CACNA2D3: variants seen among roughly 807,000 people sequenced by gnomAD.
CACNA2D3 encodes voltage-dependent calcium channel subunit alpha-2/delta-3.
A neutral mutation model predicts 160.6 loss-of-function variants in CACNA2D3; 60 were observed. The ratio of observed to expected loss-of-function variants is 0.37; its 90% CI spans 0.30 to 0.46. The LOEUF is 0.46. Among genes scored for constraint, CACNA2D3 ranks in the 20% least tolerant of loss-of-function variants. The pLI is 1.00. For synonymous variants in CACNA2D3, 558 were observed against 492.9 expected (o/e 1.13, Z -1.75); for missense variants, 1,205 against 1,365.0 (o/e 0.88, Z 1.85).
At chr3:54,208,511 C>T (rs1178764804) in intron 2 of CACNA2D3, among the ~76,000 whole-genome samples, 1 of 152,208 alleles carries the variant, frequency 6.6e-6, no homozygotes, top group Non-Finnish European at 1.5e-5. Flanking sequence ...AATTGTCAAT[C>T]TCTGAATGGC....
At chr3:54,693,698 G>A (rs1402697352) in intron 11 of CACNA2D3, among the ~76,000 whole-genome samples, 1 of 152,156 alleles carries the variant, frequency 6.6e-6, no homozygotes, top group Non-Finnish European at 1.5e-5. Context: ...AGAGGTGGAG[G>A]TAGAAGATGG....
At chr3:54,631,997 GATGA>G (rs1350845681) in intron 10 of CACNA2D3, 1 of 152,210 alleles carries the variant, frequency 6.6e-6, no homozygotes, top group Non-Finnish European at 1.5e-5. Flanking sequence ...ACTGCTAACT[GATGA>G]ATCACTGAGC....
At chr3:54,572,802 T>C (rs961019066) in intron 8 of CACNA2D3, among the ~76,000 whole-genome samples, 3 of 152,230 alleles carry the variant, frequency 2.0e-5, no homozygotes, top group Non-Finnish European at 4.4e-5. Flanking sequence ...TATGAGACTA[T>C]CTTTCTTATT....
Position 54,350,968 on chromosome 3 carries a change from GTTTTTTTTTTTTTGTTTGTTT to G in CACNA2D3, c.321+30424_321+30444del, listed in dbSNP as rs1377513546. ...GCTTGGATTTTGAGATCTTGAGTCT[GTTTTTTTTTTTTTGTTTGTTT>G]TTTTTTTTTTTTTTTTTGAGACAGA... On this transcript the variant is annotated intron_variant, in intron 3 of 37. Transcript: ENST00000474759. 5.7e-4 allele frequency among the ~76,000 whole-genome samples: 32 copies of G among 56,132 alleles called. 2 individuals are homozygous for G. Among genetic ancestry groups the G allele is most frequent in the South Asian group, 1.4e-3 (2 of 1,456 alleles). The allele number at this position is 56,132 out of a possible 152,430, so 36.8% of individuals were successfully genotyped here. A position where few individuals can be genotyped will look rare whatever the true frequency, so the allele number is the denominator to read the frequency against.
intron 27 of CACNA2D3, among the ~76,000 whole-genome samples, chr3:54,938,221 C>T (rs988545686): frequency 6.6e-6 from 1 of 152,246 alleles, no homozygotes; most frequent in Non-Finnish European, 1.5e-5. Flanking sequence ...GGCTCCAGTA[C>T]TGCCTGGATG....
intron 4 of CACNA2D3, among the ~76,000 whole-genome samples, chr3:54,457,510 A>G (rs1394166605): frequency 6.6e-6 from 1 of 152,066 alleles, no homozygotes; most frequent in Non-Finnish European, 1.5e-5. Context: ...ACGTGTGCTG[A>G]TGAAAAGAAT....
chr3:54,297,891 T>A (rs1203240309), intron 2 of CACNA2D3, among the ~76,000 whole-genome samples: 1 of 152,154 alleles, frequency 6.6e-6, no homozygotes. Context: ...AAACTCAAAT[T>A]GTGGTCCATG....
intron 3 of CACNA2D3, among the ~76,000 whole-genome samples, chr3:54,376,002 G>T (rs979718005): frequency 1.3e-5 from 2 of 152,144 alleles, no homozygotes; most frequent in African/African-American, 4.8e-5. Context: ...TCTGTTCCAG[G>T]TTTATCCTTT....
chr3:54,388,968 A>G (rs372818042), intron 4 of CACNA2D3, among the ~76,000 whole-genome samples: 35 of 152,248 alleles, frequency 2.3e-4, no homozygotes, highest in Non-Finnish European at 4.3e-4. Flanking sequence ...ATAAGAATCC[A>G]TGAGTCCGCT....
At chr3:54,458,465 TCC>T (rs1553681254) in intron 4 of CACNA2D3, among the ~76,000 whole-genome samples, 1 of 150,280 alleles carries the variant, frequency 6.7e-6, no homozygotes. Context: ...TTTTTTTTTT[TCC>T]CTTTTACTAC....
chr3:54,351,939 G>A (rs1282192224), intron 3 of CACNA2D3, among the ~76,000 whole-genome samples: 1 of 152,214 alleles, frequency 6.6e-6, no homozygotes. Flanking sequence ...CCTCTGCAGA[G>A]TCTGATTTCT....
intron 2 of CACNA2D3, among the ~76,000 whole-genome samples, chr3:54,280,036 C>G (rs10446478): frequency 0.15 from 23,126 of 151,930 alleles, 2,139 homozygotes; most frequent in South Asian, 0.21. Context: ...ATAAGTGAAA[C>G]CAACAAAGAT....
rs1700049141 is a variant in CACNA2D3 at position 54,435,676 on chromosome 3, A to T, written c.381+48902A>T. 2.0e-5 allele frequency among the ~76,000 whole-genome samples: 3 copies of T among 152,354 alleles called. No homozygotes were observed. In the South Asian group the frequency reaches 6.2e-4, roughly 32 times the overall value. ...TAATGTAATATCCAAAATGTCCAGG[A>T]TATAATAAAAATCACTCACCATACC... On this transcript the variant is annotated intron_variant, in intron 4 of 37. Coordinates refer to ENST00000474759, the MANE Select transcript of CACNA2D3 (RefSeq NM_018398.3).
At chr3:54,710,879 C>A (rs1277143557) in intron 11 of CACNA2D3, among the ~76,000 whole-genome samples, 2 of 152,148 alleles carry the variant, frequency 1.3e-5, no homozygotes, top group African/African-American at 2.4e-5. Context: ...TTAATTAAAT[C>A]TCCTTACCTA....
chr3:54,617,870 T>C (rs1698888873), intron 9 of CACNA2D3, among the ~76,000 whole-genome samples: 1 of 151,560 alleles, frequency 6.6e-6, no homozygotes, highest in African/African-American at 2.4e-5. Flanking sequence ...CCCCTGTCCC[T>C]CCCTTCACTG....
At chr3:54,402,370 A>G (rs1699484181) in intron 4 of CACNA2D3, among the ~76,000 whole-genome samples, 1 of 152,196 alleles carries the variant, frequency 6.6e-6, no homozygotes, top group Non-Finnish European at 1.5e-5. Context: ...AGGTCCAACT[A>G]TATGCTACCC....
Position 55,074,400 on chromosome 3 carries a change from T to TTTAC in CACNA2D3, c.*197_*200dup. 1.7e-6 allele frequency: 1 copy of TTTAC among 573,124 alleles called. No homozygotes were observed. The highest frequency in any genetic ancestry group is 2.1e-5 in the South Asian group (1 of 46,642). 35.5% of individuals were successfully genotyped at this position (573,124 alleles called of 1,614,324 possible). On this transcript the variant is annotated 3_prime_UTR_variant, in exon 38 of 38. Coordinates refer to ENST00000474759, the MANE Select transcript of CACNA2D3 (RefSeq NM_018398.3). The stretch of plus-strand genomic sequence containing the variant: ...TTGACAAAAAGTTATCTATCATCTT[T>TTTAC]TTACTTTGCCAGTCATGCAAATGTG...
intron 4 of CACNA2D3, among the ~76,000 whole-genome samples, chr3:54,393,608 A>C (rs1215330692): frequency 1.3e-5 from 2 of 152,192 alleles, no homozygotes; most frequent in Admixed American, 6.5e-5. Flanking sequence ...GCTTAAGCAG[A>C]AGCAGCACCC....
chr3:54,245,230 A>T (rs914717811), intron 2 of CACNA2D3, among the ~76,000 whole-genome samples: 6 of 152,046 alleles, frequency 3.9e-5, no homozygotes, highest in Admixed American at 1.3e-4. Flanking sequence ...TTTTTAAAAA[A>T]TTTAAATTTA....
Sources: gnomAD v4.1 joint callset for allele counts (sites outside exome capture counted in the v4.1 genomes callset) on GRCh38, gnomAD v4.1.1 for gene constraint, MANE v1.5 for transcripts, NCBI Gene and HGNC (gene_info 2026-07-23, HGNC 2026-07-21) for gene names.